The following ORC4 variants were observed in gnomAD, a reference collection of about 807,000 sequenced individuals.
ORC4 encodes the protein origin recognition complex, subunit 4 homolog.
A neutral mutation model predicts 63.9 loss-of-function variants in ORC4; 55 were observed. That is an observed-to-expected ratio of 0.86 (90% CI 0.69 to 1.08). ORC4 has a LOEUF of 1.08. ORC4 is among the 50% of genes least tolerant of loss of function. The pLI is 0.00. For missense variants in ORC4, 511 were observed against 504.4 expected (o/e 1.01, Z -0.13); for synonymous variants, 150 against 168.5 (o/e 0.89, Z 0.85).
intron 1 of ORC4, among the ~76,000 whole-genome samples, chr2:148,001,516 A>G (rs571352386): frequency 1.9e-4 from 29 of 152,322 alleles, no homozygotes; most frequent in Non-Finnish European, 2.6e-4. Context: ...ACTAAGCTTC[A>G]TAAGTGAAGG....
intron 1 of ORC4, among the ~76,000 whole-genome samples, chr2:148,008,742 G>C (rs1692770825): frequency 6.6e-6 from 1 of 152,062 alleles, no homozygotes; most frequent in Non-Finnish European, 1.5e-5. Flanking sequence ...CAGCCAATAG[G>C]GGAACGACAG....
intron 5 of ORC4, 44 bp from the exon 6 acceptor site, chr2:147,958,427 T>G: frequency 7.1e-7 from 1 of 1,401,970 alleles, no homozygotes; most frequent in Non-Finnish European, 1.0e-6. Context: ...AAATTAAACA[T>G]GTATTTGATA....
In ORC4 at chr2:147,958,334, C is replaced by G. The variant is rs372179604; in HGVS notation, c.351G>C (p.Gln117His). The change falls in exon 6 of 14, where the codon CAG becomes CAC. Residue 117 changes from glutamine to histidine, a missense_variant. Gln to His is a conservative substitution (Grantham distance 24). Transcript: ENST00000392857. ...DKIALKEITR[Q>H]LNLENVVGDK... ...CTCCAACTACATTTTCCAGATTTAA[C>G]TGCCTTGTGATTTCCTTTAGGGCGA... The G allele has an allele frequency of 6.2e-7, 1 of 1,612,066 alleles. No homozygotes were observed. Among genetic ancestry groups the G allele is most frequent in the Non-Finnish European group, 8.5e-7 (1 of 1,178,702 alleles).
intron 4 of ORC4, among the ~76,000 whole-genome samples, chr2:147,959,105 A>G (rs1558843063): frequency 2.0e-5 from 3 of 152,060 alleles, no homozygotes; most frequent in African/African-American, 7.2e-5. Flanking sequence ...AACTTTTAAT[A>G]CAAATTTAGA....
chr2:147,946,999 T>C (rs1688692800), intron 9 of ORC4, among the ~76,000 whole-genome samples: 1 of 152,026 alleles, frequency 6.6e-6, no homozygotes, highest in South Asian at 2.1e-4. Context: ...AAATACTGCT[T>C]ACATGAGCAG....
At position 147,932,211 on chromosome 2, in the gene ORC4, T is replaced by A. The variant is rs1573729323; in HGVS notation, c.*3299A>T. The A allele has an allele frequency of 6.6e-6, 1 of 150,936 alleles. No homozygotes were observed. The highest frequency in any genetic ancestry group is 6.6e-5 in the Admixed American group (1 of 15,114). The allele number at this position is 150,936 out of a possible 1,614,324, so 9.3% of individuals were successfully genotyped here. ...GAGTGAACTCCCATTCACAATTGCTTCAAAGAGAATAAAATACCTAGGAAT... is the reference window on the plus strand; with the variant it reads ...GAGTGAACTCCCATTCACAATTGCTACAAAGAGAATAAAATACCTAGGAAT... On this transcript the variant is annotated 3_prime_UTR_variant, in exon 14 of 14. Transcript: ENST00000392857.
At chr2:147,979,071 T>C (rs370935369) in intron 1 of ORC4, among the ~76,000 whole-genome samples, 2 of 152,326 alleles carry the variant, frequency 1.3e-5, no homozygotes, top group South Asian at 2.1e-4. Flanking sequence ...ATGCCCACTT[T>C]GGCCATTTAT....
At chr2:148,009,649 T>C (rs1480440089) in intron 1 of ORC4, among the ~76,000 whole-genome samples, 1 of 152,200 alleles carries the variant, frequency 6.6e-6, no homozygotes, top group African/African-American at 2.4e-5. Context: ...CAGCCCACTT[T>C]CACCATTGGA....
At position 147,981,793 on chromosome 2, in the gene ORC4, T is replaced by C. The variant is rs377173270; in HGVS notation, c.-17-5818A>G. 8 of 152,222 alleles carry C rather than the reference T, an allele frequency of 5.3e-5. No individual in the cohort carries two copies. In the East Asian group the frequency reaches 1.2e-3, roughly 22 times the overall value. The allele number at this position is 152,222 out of a possible 1,614,324, so 9.4% of individuals were successfully genotyped here. On this transcript the variant is annotated intron_variant, in intron 1 of 13. Transcript: ENST00000392857. ...TGAACCCAAATAAGTTGTACTCTTA[T>C]GAAATTGTTACGTATTTAGCAAACT...
intron 4 of ORC4, among the ~76,000 whole-genome samples, chr2:147,968,882 T>A (rs1463831367): frequency 6.6e-6 from 1 of 152,024 alleles, no homozygotes; most frequent in African/African-American, 2.4e-5. Context: ...ATCAACCTAG[T>A]TGTCCAACAA....
intron 1 of ORC4, among the ~76,000 whole-genome samples, chr2:147,987,382 G>A (rs187561507): frequency 0.027 from 2,784 of 103,460 alleles, 46 homozygotes; most frequent in Non-Finnish European, 0.043. Flanking sequence ...GTGTGTGTGT[G>A]TATATATATA....
In ORC4 at chr2:147,952,411, G is replaced by T. The variant is rs1244437052; in HGVS notation, c.550C>A (p.Gln184Lys). The T allele has an allele frequency of 6.2e-7, 1 of 1,610,224 alleles. No individual in the cohort carries two copies. The highest frequency in any genetic ancestry group is 1.3e-5 in the African/African-American group (1 of 74,788). ...YNLFDISQSAQTPIAVIGLTC... is the reference protein window; with the variant it reads ...YNLFDISQSAKTPIAVIGLTC... ...AGACCAATAACTGCTATTGGGGTCT[G>T]TGCAGACTGAGAAATGTCAAAAAGA... Residue 184 changes from glutamine (Q) to lysine (K), a missense_variant, in exon 8 of 14, where the codon CAG becomes AAG. Coordinates refer to ENST00000392857, the MANE Select transcript of ORC4 (RefSeq NM_181741.4).
rs541510162 is a variant in ORC4 at position 147,931,107 on chromosome 2, T to A, written c.*4403A>T. 1 of 147,020 alleles carries A rather than the reference T, an allele frequency of 6.8e-6. No individual in the cohort carries two copies. Among genetic ancestry groups the A allele is most frequent in the East Asian group, 2.0e-4 (1 of 4,948 alleles). 9.1% of individuals were successfully genotyped at this position (147,020 alleles called of 1,614,324 possible). The stretch of plus-strand genomic sequence containing the variant: ...CACCTATGAGTGAGAATATGCGGTG[T>A]TTGGTTTTTTGTTCTTGTGATAGTT... On this transcript the variant is annotated 3_prime_UTR_variant, in exon 14 of 14. Transcript: ENST00000392857.
chr2:148,021,090 C>T (rs531975931), upstream of ORC4: 2 of 153,400 alleles, frequency 1.3e-5, no homozygotes, highest in African/African-American at 2.4e-5. Context: ...CCCTCCCCCC[C>T]AAGCAGAGAG....
chr2:147,948,369 T>C (rs1688768311), intron 8 of ORC4, 145 bp from the exon 9 acceptor site: 2 of 592,134 alleles, frequency 3.4e-6, no homozygotes, highest in Non-Finnish European at 5.9e-6. Context: ...ATTTAAAACA[T>C]TTTATGCAAA....
At chr2:148,012,087 A>C (rs1176025800) in intron 1 of ORC4, among the ~76,000 whole-genome samples, 2 of 151,734 alleles carry the variant, frequency 1.3e-5, no homozygotes, top group African/African-American at 4.8e-5. Context: ...CAGAAATAGA[A>C]AAAAAAAATC....
At chr2:148,005,169 A>G (rs1277071746) in intron 1 of ORC4, among the ~76,000 whole-genome samples, 1 of 152,234 alleles carries the variant, frequency 6.6e-6, no homozygotes, top group African/African-American at 2.4e-5. Context: ...ATGTCCTTCA[A>G]TGATAGACCA....
chr2:148,017,923 T>G (rs1275963198), intron 1 of ORC4, among the ~76,000 whole-genome samples: 1 of 152,136 alleles, frequency 6.6e-6, no homozygotes, highest in Admixed American at 6.5e-5. Context: ...GCATAGAACT[T>G]GTTATCTGGA....
At position 147,946,974 on chromosome 2, in the gene ORC4, A is replaced by G. The variant is rs1393771512; in HGVS notation, c.762+1077T>C. On this transcript the variant is annotated intron_variant, in intron 9 of 13. Coordinates refer to ENST00000392857, the MANE Select transcript of ORC4 (RefSeq NM_181741.4). Reference sequence around the variant, plus strand: ...AATAAACTTTTATGATATTTTAAAAAAATGAAATGTGTCAAAATACTGCTT... The same window carrying G: ...AATAAACTTTTATGATATTTTAAAAGAATGAAATGTGTCAAAATACTGCTT... Among the ~76,000 whole-genome samples the G allele has an allele frequency of 2.0e-5, 3 of 152,034 alleles. 1 individual carries two copies. Among genetic ancestry groups the G allele is most frequent in the Non-Finnish European group, 4.4e-5 (3 of 67,924 alleles).
Sources: allele counts gnomAD v4.1 joint callset (sites outside exome capture counted in the v4.1 genomes callset), GRCh38; gene constraint gnomAD v4.1.1; transcripts MANE v1.5; gene names NCBI Gene and HGNC (gene_info 2026-07-23, HGNC 2026-07-21).